TLN2: variants seen among roughly 807,000 people sequenced by gnomAD.
TLN2 encodes talin 2, also known as talin-2.
In TLN2, 118 loss-of-function variants were observed where a neutral mutation model predicts 294.7. The observed-to-expected ratio is 0.40, with a 90% CI of 0.34 to 0.47. The LOEUF (loss-of-function observed/expected upper bound fraction) is 0.47, where lower values mean the gene tolerates loss of function less well. Ranked by LOEUF, TLN2 falls within the 20% of genes least tolerant of loss-of-function variation. TLN2 has a pLI of 0.84. For synonymous variants in TLN2, 1,431 were observed against 1,304.5 expected (o/e 1.10, Z -2.09); for missense variants, 3,083 against 3,282.2 (o/e 0.94, Z 1.48).
At chr15:62,667,246 G>T (rs574139256) in intron 9 of TLN2, among the ~76,000 whole-genome samples, 1 of 152,280 alleles carries the variant, frequency 6.6e-6, no homozygotes, top group East Asian at 1.9e-4. Context: ...GATTACAGGC[G>T]TGAGCCACCG....
At chr15:62,577,480 CACAA>C (rs529585542) in intron 1 of TLN2, among the ~76,000 whole-genome samples, 11 of 152,242 alleles carry the variant, frequency 7.2e-5, no homozygotes, top group African/African-American at 1.2e-4. Flanking sequence ...AAACAAAAAA[CACAA>C]ACAAAAGAAC....
chr15:62,486,095 CTG>C (rs1160630383), intron 1 of TLN2, among the ~76,000 whole-genome samples: 1 of 152,212 alleles, frequency 6.6e-6, no homozygotes, highest in African/African-American at 2.4e-5. Context: ...TTATCATTCT[CTG>C]TATTACATAC....
At chr15:62,797,979 G>A (rs1207041444) in intron 48 of TLN2, among the ~76,000 whole-genome samples, 8 of 152,220 alleles carry the variant, frequency 5.3e-5, no homozygotes, top group Admixed American at 1.3e-4. Context: ...CACAGGAGAC[G>A]GAGAAGCAGC....
intron 7 of TLN2, among the ~76,000 whole-genome samples, chr15:62,655,068 G>GTT (rs376649589): frequency 6.8e-6 from 1 of 146,842 alleles, no homozygotes; most frequent in Non-Finnish European, 1.5e-5. Flanking sequence ...CCCTTTCTGT[G>GTT]TTTTTTTTTT....
At chr15:62,642,583 G>GTAGT (rs3055790) in intron 3 of TLN2, among the ~76,000 whole-genome samples, 123,802 of 151,788 alleles carry the variant, frequency 0.82, 51,347 homozygotes, top group Admixed American at 0.89. Flanking sequence ...TTCAGTGGAT[G>GTAGT]TAAATTTCTC....
chr15:62,488,344 A>G (rs912200684), intron 1 of TLN2, among the ~76,000 whole-genome samples: 9 of 152,180 alleles, frequency 5.9e-5, no homozygotes, highest in African/African-American at 1.9e-4. Flanking sequence ...GAATGGGGAC[A>G]TCTTTTAAGC....
At position 62,840,497 on chromosome 15, in the gene TLN2, G is replaced by A. The variant is rs1244070823; in HGVS notation, c.7516G>A (p.Glu2506Lys). Residue 2506 changes from glutamate (E) to lysine (K), a missense_variant, in exon 59 of 59, where the codon GAA becomes AAA. By Grantham distance (56) the Glu-to-Lys change is moderately conservative. Coordinates refer to ENST00000636159, the MANE Select transcript of TLN2 (RefSeq NM_015059.3). ...GGIAQIIAAQ[E>K]EMLKKERELE... is the part of the protein sequence containing the mutation. ...TTCTTTCTAGATCATCGCCGCCCAG[G>A]AAGAAATGCTAAAGAAAGAGCGAGA... 1 of 1,614,140 alleles carries A rather than the reference G, an allele frequency of 6.2e-7. No individual in the cohort carries two copies. Among genetic ancestry groups the A allele is most frequent in the Admixed American group, 1.7e-5 (1 of 60,020 alleles).
chr15:62,668,521 A>G (rs1371565108), intron 9 of TLN2, among the ~76,000 whole-genome samples: 1 of 152,136 alleles, frequency 6.6e-6, no homozygotes, highest in Non-Finnish European at 1.5e-5. Context: ...CTTCATTGTC[A>G]TATTCTGATT....
chr15:62,794,034 A>ATTG (rs2065274435), intron 46 of TLN2, among the ~76,000 whole-genome samples: 1 of 151,976 alleles, frequency 6.6e-6, no homozygotes, highest in South Asian at 2.1e-4. Flanking sequence ...CCTTCCTTTC[A>ATTG]AAGCCCTTTC....
intron 14 of TLN2, 126 bp from the exon 15 acceptor site, chr15:62,697,562 G>C: frequency 1.0e-6 from 1 of 1,002,770 alleles, no homozygotes; most frequent in African/African-American, 1.6e-5. Flanking sequence ...TTCTCAGTCT[G>C]TATGTGCCTC....
chr15:62,533,736 C>A (rs2041181312), intron 1 of TLN2, among the ~76,000 whole-genome samples: 1 of 152,074 alleles, frequency 6.6e-6, no homozygotes, highest in Non-Finnish European at 1.5e-5. Flanking sequence ...ATGCTAGGAC[C>A]AGGGCTGTAG....
At chr15:62,632,448 C>G (rs1007028754) in intron 3 of TLN2, among the ~76,000 whole-genome samples, 3 of 152,180 alleles carry the variant, frequency 2.0e-5, no homozygotes, top group African/African-American at 7.2e-5. Flanking sequence ...TTATTCCAGA[C>G]TTGTCACCCT....
At chr15:62,423,860 G>A (rs911913721) in intron 1 of TLN2, among the ~76,000 whole-genome samples, 47 of 152,210 alleles carry the variant, frequency 3.1e-4, no homozygotes, top group African/African-American at 1.1e-3. Flanking sequence ...GATTACAGGC[G>A]TGAGCAACCG....
intron 9 of TLN2, among the ~76,000 whole-genome samples, chr15:62,666,416 C>T (rs1196876894): frequency 2.0e-5 from 3 of 152,138 alleles, no homozygotes; most frequent in Non-Finnish European, 2.9e-5. Context: ...CTTGTGAGGA[C>T]ACAGCCTTTC....
At chr15:62,513,823 A>G (rs1411612184) in intron 1 of TLN2, among the ~76,000 whole-genome samples, 1 of 152,232 alleles carries the variant, frequency 6.6e-6, no homozygotes, top group Non-Finnish European at 1.5e-5. Flanking sequence ...ACCCTTTCAG[A>G]ACCTGTTTGG....
chr15:62,585,732 A>C (rs1182367584), intron 1 of TLN2, among the ~76,000 whole-genome samples: 1 of 152,206 alleles, frequency 6.6e-6, no homozygotes, highest in South Asian at 2.1e-4. Flanking sequence ...GTCCCTTTGA[A>C]ATAAGCTCCT....
At chr15:62,750,625 G>A in intron 34 of TLN2, 134 bp downstream of exon 34, 1 of 742,946 alleles carries the variant, frequency 1.3e-6, no homozygotes, top group Non-Finnish European at 2.3e-6. Context: ...GCCTATTTGT[G>A]GAGCCCTTTG....
chr15:62,828,790 G>A (rs2068470496), intron 54 of TLN2: 1 of 152,166 alleles, frequency 6.6e-6, no homozygotes, highest in African/African-American at 2.4e-5. Context: ...ATTTTGAATG[G>A]ATATATTCAT....
intron 9 of TLN2, among the ~76,000 whole-genome samples, chr15:62,659,536 G>C (rs549984609): frequency 1.3e-5 from 2 of 152,270 alleles, no homozygotes; most frequent in African/African-American, 2.4e-5. Flanking sequence ...CTTAAAATTA[G>C]GTCCTGCAGT....
Sources: allele counts gnomAD v4.1 joint callset (sites outside exome capture counted in the v4.1 genomes callset), GRCh38; gene constraint gnomAD v4.1.1; transcripts MANE v1.5; gene names NCBI Gene and HGNC (gene_info 2026-07-23, HGNC 2026-07-21).